The following SPATC1L variants were observed in gnomAD, a reference collection of about 807,000 sequenced individuals.
SPATC1L encodes the protein spermatogenesis and centriole associated 1 like.
SPATC1L carries 20 observed loss-of-function variants against 21.2 expected under a neutral mutation model. That is an observed-to-expected ratio of 0.94 (90% CI 0.66 to 1.37). The LOEUF (loss-of-function observed/expected upper bound fraction) is 1.37. Among genes scored for constraint, SPATC1L ranks in the 40% most tolerant of loss-of-function variants. SPATC1L has a pLI of 0.00. For missense variants in SPATC1L, 499 were observed against 478.7 expected (o/e 1.04, Z -0.40); for synonymous variants, 290 against 234.5 (o/e 1.24, Z -2.16).
In SPATC1L at chr21:46,161,627, C is replaced by T. The variant is rs764339537; in HGVS notation, c.775G>A (p.Ala259Thr). ...ELTQRYLALS[A>T]RLEKLGYSRD... Reference sequence around the variant, plus strand: ...CTGTAGCCCAGCTTCTCCAGGCGCGCGCTCAGGGCCAGGTAGCGCTGCGTC... The same window carrying T: ...CTGTAGCCCAGCTTCTCCAGGCGCGTGCTCAGGGCCAGGTAGCGCTGCGTC... The change falls in exon 5 of 5, where the codon GCG (alanine) becomes ACG (threonine). Residue 259 changes from alanine (A) to threonine (T), a missense_variant. Transcript: ENST00000291672. 6.8e-6 allele frequency: 11 copies of T among 1,610,240 alleles called. No homozygotes were observed. Among genetic ancestry groups the T allele is most frequent in the Admixed American group, 5.0e-5 (3 of 59,792 alleles).
intron 2 of SPATC1L, among the ~76,000 whole-genome samples, chr21:46,180,304 A>G (rs1410095007): frequency 6.6e-6 from 1 of 152,172 alleles, no homozygotes; most frequent in Non-Finnish European, 1.5e-5. Context: ...GTGTAGGTGG[A>G]CCAAAAAGAT....
At chr21:46,164,885 G>T (rs1009513012) in intron 3 of SPATC1L, among the ~76,000 whole-genome samples, 2 of 151,666 alleles carry the variant, frequency 1.3e-5, no homozygotes, top group East Asian at 3.9e-4. Context: ...GAAGAGAAAT[G>T]ATTCTAGTAT....
rs1028017544 is a variant in SPATC1L, at chr21:46,168,665, C to T, written c.194-7G>A. 19 of 1,349,780 alleles carry T rather than the reference C, an allele frequency of 1.4e-5. No homozygotes were observed. The African/African-American group carries it at 1.9e-4, about 14-fold the overall frequency. The allele number at this position is 1,349,780 out of a possible 1,614,324, so 83.6% of individuals were successfully genotyped here. A position where few individuals can be genotyped will look rare whatever the true frequency, so the allele number is the denominator to read the frequency against. ...AACCTTCCGAAATCTGGAACTGAGG[C>T]GGGGAGGAAAGGGATGAGAAATCAG... On this transcript the variant is annotated splice_region_variant and splice_polypyrimidine_tract_variant and intron_variant, in intron 2 of 4. Transcript: ENST00000291672.
chr21:46,161,900 TC>T lies in SPATC1L; in HGVS notation c.696+15del. 6.2e-7 allele frequency: 1 copy of T among 1,602,196 alleles called. No homozygotes were observed. On this transcript the variant is annotated intron_variant, in intron 4 of 4. Transcript: ENST00000291672. ...GCCCCGCACCCTCCTGGCCGCGCCC[TC>T]CCCACGGGGCGCACCTGCTCGATCT... is the stretch of plus-strand genomic sequence containing the variant.
intron 2 of SPATC1L, among the ~76,000 whole-genome samples, chr21:46,169,410 C>G (rs2079566729): frequency 1.2e-5 from 1 of 86,000 alleles, no homozygotes; most frequent in Non-Finnish European, 2.4e-5. Context: ...GCTCTGTGAG[C>G]ATCCTCTGTG....
At position 46,161,441 on chromosome 21, in the gene SPATC1L, G is replaced by GC; in HGVS notation, c.960dup (p.Leu321AlafsTer?). 2 of 1,581,576 alleles carry GC rather than the reference G, an allele frequency of 1.3e-6. No homozygotes were observed. On this transcript the variant is annotated frameshift_variant, in exon 5 of 5. Transcript: ENST00000291672. LOFTEE classifies it high-confidence loss of function. The stretch of plus-strand genomic sequence containing the variant: ...AGCTCGCACAGGCAGTTGAGCAGCA[G>GC]CAGCGAGTCGCCCAGGAACTTGGGG...
intron 2 of SPATC1L, among the ~76,000 whole-genome samples, chr21:46,178,420 T>C (rs978514072): frequency 6.6e-6 from 1 of 151,928 alleles, no homozygotes; most frequent in Non-Finnish European, 1.5e-5. Flanking sequence ...CAACAGACAC[T>C]GAGACCTACC....
chr21:46,165,416 C>T (rs747822724), intron 3 of SPATC1L, among the ~76,000 whole-genome samples: 5 of 152,222 alleles, frequency 3.3e-5, no homozygotes, highest in African/African-American at 4.8e-5. Context: ...GACTGTCTTG[C>T]ACAGAGATGT....
intron 2 of SPATC1L, among the ~76,000 whole-genome samples, chr21:46,171,939 GAAAAAA>G (rs66628257): frequency 1.5e-5 from 1 of 67,806 alleles, no homozygotes; most frequent in Admixed American, 1.8e-4. Flanking sequence ...ATAACCCCCA[GAAAAAA>G]AAAAAAAAAA....
chr21:46,182,909 A>T lies in SPATC1L; in HGVS notation c.-93T>A. ...CAGGCACCACAGAAACAGCCCAGGC[A>T]CGGAGTTCCGTAGCCACCACCGCCT... On this transcript the variant is annotated 5_prime_UTR_variant, in exon 2 of 5. Coordinates refer to ENST00000291672, the MANE Select transcript of SPATC1L (RefSeq NM_001142854.2). 2.3e-6 allele frequency: 3 copies of T among 1,330,414 alleles called. No homozygotes were observed. The highest frequency in any genetic ancestry group is 3.0e-6 in the Non-Finnish European group (3 of 1,003,074). The allele number at this position is 1,330,414 out of a possible 1,614,324, so 82.4% of individuals were successfully genotyped here.
chr21:46,161,462 TG>T lies in SPATC1L; in HGVS notation c.939del (p.Lys314SerfsTer?), dbSNP rs749943211. Reference sequence around the variant, plus strand: ...AGCAGCAGCGAGTCGCCCAGGAACTTGGGGGGCACCACGTCGATGACCAGCT... The same window carrying T: ...AGCAGCAGCGAGTCGCCCAGGAACTTGGGGGCACCACGTCGATGACCAGCT... ...LRKLVIDVVPPKFLGDSLLLL... is the reference protein window; with the variant it reads ...LRKLVIDVVPXKFLGDSLLLL... On this transcript the variant is annotated frameshift_variant, in exon 5 of 5. Coordinates refer to ENST00000291672, the MANE Select transcript of SPATC1L (RefSeq NM_001142854.2). LOFTEE classifies it high-confidence loss of function. The T allele has an allele frequency of 6.3e-7, 1 of 1,595,028 alleles. No homozygotes were observed. The highest frequency in any genetic ancestry group is 8.6e-7 in the Non-Finnish European group (1 of 1,168,638).
chr21:46,163,638 T>C (rs544332294), intron 3 of SPATC1L, among the ~76,000 whole-genome samples: 1 of 152,352 alleles, frequency 6.6e-6, no homozygotes, highest in Non-Finnish European at 1.5e-5. Context: ...GCACTCTTGT[T>C]GAAAACCATC....
intron 2 of SPATC1L, among the ~76,000 whole-genome samples, chr21:46,181,033 G>A (rs758466310): frequency 3.3e-5 from 5 of 152,230 alleles, no homozygotes; most frequent in Non-Finnish European, 7.3e-5. Flanking sequence ...TCTCCTGCCA[G>A]GGGAGGCACC....
chr21:46,163,886 G>T (rs2079520809), intron 3 of SPATC1L, among the ~76,000 whole-genome samples: 1 of 152,182 alleles, frequency 6.6e-6, no homozygotes, highest in Admixed American at 6.5e-5. Context: ...CTAGGATTCT[G>T]ATTGGGATTG....
chr21:46,177,558 C>T (rs567852497), intron 2 of SPATC1L, among the ~76,000 whole-genome samples: 6 of 152,312 alleles, frequency 3.9e-5, no homozygotes, highest in Middle Eastern at 3.4e-3. Context: ...AATGAGACAC[C>T]ATCTCACACC....
At chr21:46,177,544 C>A (rs895876335) in intron 2 of SPATC1L, among the ~76,000 whole-genome samples, 4 of 152,118 alleles carry the variant, frequency 2.6e-5, no homozygotes, top group Admixed American at 6.6e-5. Context: ...TAAATAAAAA[C>A]CACAATGAGA....
intron 2 of SPATC1L, among the ~76,000 whole-genome samples, chr21:46,172,163 G>A (rs2330406): frequency 0.79 from 88,400 of 112,282 alleles, 34,939 homozygotes; most frequent in East Asian, 0.99. Flanking sequence ...AGAGCGTGAG[G>A]CGGGGGATGC....
intron 2 of SPATC1L, among the ~76,000 whole-genome samples, chr21:46,170,866 G>T (rs1211393153): frequency 1.4e-5 from 2 of 147,318 alleles, no homozygotes; most frequent in East Asian, 1.9e-4. Flanking sequence ...CTGTGGATGG[G>T]GAGGAGCCTC....
At chr21:46,171,212 G>T (rs1315710648) in intron 2 of SPATC1L, among the ~76,000 whole-genome samples, 2 of 152,162 alleles carry the variant, frequency 1.3e-5, no homozygotes, top group Non-Finnish European at 2.9e-5. Context: ...CCCAATCCCT[G>T]GCCAAATTTA....
Sources: gnomAD v4.1 joint callset for allele counts (sites outside exome capture counted in the v4.1 genomes callset) on GRCh38, gnomAD v4.1.1 for gene constraint, MANE v1.5 for transcripts, NCBI Gene and HGNC (gene_info 2026-07-23, HGNC 2026-07-21) for gene names.